The following APP variants were observed in gnomAD, a reference collection of about 807,000 sequenced individuals.
APP encodes amyloid-beta precursor protein.
APP carries 31 observed loss-of-function variants against 101.4 expected under a neutral mutation model. The observed-to-expected ratio is 0.31, with a 90% CI of 0.23 to 0.41. APP has a LOEUF of 0.41. Among genes scored for constraint, APP ranks in the 10% least tolerant of loss-of-function variants. The probability of loss-of-function intolerance (pLI) is 1.00; values close to 1 mark genes in which losing one functional copy is unlikely to be tolerated. For missense variants in APP, 839 were observed against 1,003.7 expected (o/e 0.84, Z 2.22); for synonymous variants, 366 against 364.4 (o/e 1.00, Z -0.05).
At chr21:26,080,769 C>CAAA (rs58573361) in intron 3 of APP, among the ~76,000 whole-genome samples, 2 of 95,842 alleles carry the variant, frequency 2.1e-5, no homozygotes, top group East Asian at 2.8e-4. Flanking sequence ...GACTCTATCT[C>CAAA]AAAAAAAAAA....
chr21:25,904,997 G>A, intron 15 of APP, 27 bp downstream of exon 15: 1 of 1,610,596 alleles, frequency 6.2e-7, no homozygotes, highest in Non-Finnish European at 8.5e-7. Context: ...AAGATGCGGA[G>A]AGGCACAAGT....
intron 8 of APP, among the ~76,000 whole-genome samples, chr21:25,987,574 G>GA (rs1311911820): frequency 1.3e-5 from 2 of 152,142 alleles, no homozygotes; most frequent in African/African-American, 4.8e-5. Context: ...CATAACAAAT[G>GA]AAAAAATGTA....
chr21:26,065,213 T>G (rs528024345), intron 3 of APP, among the ~76,000 whole-genome samples: 2 of 152,286 alleles, frequency 1.3e-5, no homozygotes, highest in South Asian at 4.2e-4. Flanking sequence ...ACAGGATCAT[T>G]GTCAGGGCAT....
chr21:26,032,677 G>C (rs1228649757), intron 5 of APP, among the ~76,000 whole-genome samples: 1 of 151,940 alleles, frequency 6.6e-6, no homozygotes, highest in East Asian at 1.9e-4. Context: ...TTTAACTACA[G>C]CTTAAATGTA....
intron 2 of APP, among the ~76,000 whole-genome samples, chr21:26,091,198 G>A (rs1025310268): frequency 2.6e-5 from 4 of 152,160 alleles, no homozygotes; most frequent in African/African-American, 9.7e-5. Flanking sequence ...TTAGAATGCT[G>A]GGCCATGCAA....
chr21:26,063,837 A>G (rs998496481), intron 3 of APP, among the ~76,000 whole-genome samples: 10 of 152,230 alleles, frequency 6.6e-5, no homozygotes, highest in Non-Finnish European at 1.5e-4. Flanking sequence ...CAAAGAGTAG[A>G]GCACATAAAG....
intron 11 of APP, among the ~76,000 whole-genome samples, chr21:25,966,413 G>T (rs908087426): frequency 2.6e-5 from 4 of 152,120 alleles, no homozygotes; most frequent in African/African-American, 9.7e-5. Flanking sequence ...TAATAAATAT[G>T]TAAGTATAGA....
chr21:26,148,777 A>T (rs577088268), intron 1 of APP, among the ~76,000 whole-genome samples: 1 of 152,178 alleles, frequency 6.6e-6, no homozygotes, highest in East Asian at 1.9e-4. Flanking sequence ...TCCAGGGCCT[A>T]CTCCTGGCCA....
chr21:25,982,451 CA>C lies in APP; in HGVS notation c.1116del (p.Asp373MetfsTer38). Reference sequence around the variant, plus strand: ...GTCTCGAGATACTTGTCAACGGCATCAGGGGTACTGGCTGCTGTTGTAGGAA... The same window carrying C: ...GTCTCGAGATACTTGTCAACGGCATCGGGGTACTGGCTGCTGTTGTAGGAA... Reference protein sequence around the residue: ...VKLPTTAASTPDAVDKYLETP... With the variant: ...VKLPTTAASTXDAVDKYLETP... On this transcript the variant is annotated frameshift_variant, in exon 9 of 18. Coordinates refer to ENST00000346798, the MANE Select transcript of APP (RefSeq NM_000484.4). LOFTEE classifies it high-confidence loss of function. 2 of 1,613,686 alleles carry C rather than the reference CA, an allele frequency of 1.2e-6. No individual in the cohort carries two copies. Among genetic ancestry groups the C allele is most frequent in the South Asian group, 1.1e-5 (1 of 91,068 alleles).
At chr21:26,155,892 G>A (rs1303098000) in intron 1 of APP, among the ~76,000 whole-genome samples, 1 of 151,936 alleles carries the variant, frequency 6.6e-6, no homozygotes, top group Non-Finnish European at 1.5e-5. Flanking sequence ...AGCTACTCGG[G>A]AGGCTGAGGG....
At chr21:25,963,931 A>G (rs2041687208) in intron 11 of APP, among the ~76,000 whole-genome samples, 1 of 152,250 alleles carries the variant, frequency 6.6e-6, no homozygotes, top group Non-Finnish European at 1.5e-5. Flanking sequence ...TGATAATCCC[A>G]TGCCAAGGTG....
intron 6 of APP, among the ~76,000 whole-genome samples, chr21:26,017,458 G>T (rs1395754908): frequency 6.6e-6 from 1 of 150,982 alleles, no homozygotes; most frequent in Non-Finnish European, 1.5e-5. Flanking sequence ...CAAGAGTGGT[G>T]ACCGTGAAAA....
intron 3 of APP, among the ~76,000 whole-genome samples, chr21:26,058,821 C>A (rs1035182206): frequency 2.6e-5 from 4 of 152,158 alleles, no homozygotes; most frequent in African/African-American, 9.7e-5. Flanking sequence ...GTGGCTCACG[C>A]CTGTAATCCC....
chr21:25,987,276 G>C (rs1453126461), intron 8 of APP, among the ~76,000 whole-genome samples: 1 of 152,164 alleles, frequency 6.6e-6, no homozygotes, highest in Admixed American at 6.5e-5. Context: ...CCCTCCTTCA[G>C]CCTGCTCACT....
chr21:26,058,934 A>T (rs1248717337), intron 3 of APP, among the ~76,000 whole-genome samples: 1 of 151,770 alleles, frequency 6.6e-6, no homozygotes, highest in African/African-American at 2.4e-5. Context: ...ACAAAAAATT[A>T]GCCGGGCGTG....
At chr21:26,118,621 C>T (rs776860997) in intron 1 of APP, among the ~76,000 whole-genome samples, 8 of 152,124 alleles carry the variant, frequency 5.3e-5, no homozygotes, top group East Asian at 1.9e-4. Context: ...GGGGTGATCT[C>T]GGCTCACCGC....
intron 8 of APP, among the ~76,000 whole-genome samples, chr21:25,983,056 G>A (rs2146604320): frequency 6.6e-6 from 1 of 152,264 alleles, no homozygotes; most frequent in Non-Finnish European, 1.5e-5. Flanking sequence ...ATCACAAAAG[G>A]ACTTTTCTGT....
At chr21:26,046,200 G>C (rs748392092) in intron 5 of APP, among the ~76,000 whole-genome samples, 2 of 151,576 alleles carry the variant, frequency 1.3e-5, no homozygotes, top group Non-Finnish European at 2.9e-5. Context: ...CCAAACCAGA[G>C]AGTAACATTA....
At chr21:26,167,588 A>G (rs1317288072) in intron 1 of APP, among the ~76,000 whole-genome samples, 1 of 152,248 alleles carries the variant, frequency 6.6e-6, no homozygotes, top group Non-Finnish European at 1.5e-5. Context: ...TGCAAAAAAC[A>G]GTAACATAAA....
Sources: allele counts gnomAD v4.1 joint callset (sites outside exome capture counted in the v4.1 genomes callset), GRCh38; gene constraint gnomAD v4.1.1; transcripts MANE v1.5; gene names NCBI Gene and HGNC (gene_info 2026-07-23, HGNC 2026-07-21).